The following GRK5 variants were observed in gnomAD, a reference collection of about 807,000 sequenced individuals.
GRK5 encodes the protein G protein-coupled receptor kinase 5.
GRK5 carries 40 observed loss-of-function variants against 78.4 expected under a neutral mutation model. The ratio of observed to expected loss-of-function variants is 0.51; its 90% CI spans 0.40 to 0.66. GRK5 has a LOEUF of 0.66. Among genes scored for constraint, GRK5 ranks in the 30% least tolerant of loss-of-function variants. The probability of loss-of-function intolerance (pLI) is 0.00; values close to 1 mark genes in which losing one functional copy is unlikely to be tolerated. For synonymous variants in GRK5, 289 were observed against 296.8 expected (o/e 0.97, Z 0.27); for missense variants, 598 against 759.9 (o/e 0.79, Z 2.50).
intron 13 of GRK5, among the ~76,000 whole-genome samples, chr10:119,448,504 T>G (rs958372613): frequency 2.6e-5 from 4 of 152,220 alleles, no homozygotes; most frequent in African/African-American, 9.6e-5. Flanking sequence ...TTCCCAGGTC[T>G]GGGGGTCCTG....
At chr10:119,265,554 A>G (rs1270700274) in intron 1 of GRK5, among the ~76,000 whole-genome samples, 2 of 152,164 alleles carry the variant, frequency 1.3e-5, no homozygotes, top group Admixed American at 6.5e-5. Flanking sequence ...GGTGGCCTGC[A>G]CTGAGGAACC....
At chr10:119,393,605 A>G (rs933372403) in intron 3 of GRK5, among the ~76,000 whole-genome samples, 2 of 152,228 alleles carry the variant, frequency 1.3e-5, no homozygotes. Flanking sequence ...ACGGTGCCGG[A>G]CCAACGGCGG....
At chr10:119,403,956 C>T (rs780072183) in intron 4 of GRK5, among the ~76,000 whole-genome samples, 2 of 152,142 alleles carry the variant, frequency 1.3e-5, no homozygotes, top group East Asian at 1.9e-4. Flanking sequence ...TTTGTTTCTA[C>T]ATTTTTGCTC....
chr10:119,325,190 A>G (rs759673097), intron 1 of GRK5, among the ~76,000 whole-genome samples: 5 of 152,224 alleles, frequency 3.3e-5, no homozygotes, highest in Non-Finnish European at 7.3e-5. Flanking sequence ...TTCTGTGCCT[A>G]CTTTTAAACA....
intron 1 of GRK5, among the ~76,000 whole-genome samples, chr10:119,292,112 C>A (rs1849984604): frequency 1.8e-5 from 1 of 57,074 alleles, no homozygotes; most frequent in Non-Finnish European, 3.8e-5. Flanking sequence ...TCCTTCTCCT[C>A]TTCCTCCCTC....
intron 1 of GRK5, among the ~76,000 whole-genome samples, chr10:119,285,808 G>T (rs1849839318): frequency 6.6e-6 from 1 of 152,144 alleles, no homozygotes; most frequent in Non-Finnish European, 1.5e-5. Context: ...TGAGTGCTGG[G>T]GCTGGGACCT....
At chr10:119,337,601 T>C (rs1850912776) in intron 2 of GRK5, among the ~76,000 whole-genome samples, 1 of 152,146 alleles carries the variant, frequency 6.6e-6, no homozygotes, top group South Asian at 2.1e-4. Flanking sequence ...AATGTCTGTC[T>C]CTAAGTTTCC....
chr10:119,338,561 T>C (rs1589752812), intron 2 of GRK5, among the ~76,000 whole-genome samples: 1 of 152,196 alleles, frequency 6.6e-6, no homozygotes, highest in East Asian at 1.9e-4. Context: ...GTGATGTACA[T>C]TTTTCCATTT....
intron 1 of GRK5, among the ~76,000 whole-genome samples, chr10:119,307,769 G>GT (rs11443309): frequency 0.72 from 108,696 of 151,688 alleles, 41,432 homozygotes; most frequent in East Asian, 0.84. Context: ...TGGTCTCCTG[G>GT]TGGCGAGCCC....
Position 119,209,850 on chromosome 10 carries a change from C to T in GRK5, c.52+1881C>T, listed in dbSNP as rs144296526. On this transcript the variant is annotated intron_variant, in intron 1 of 15. Transcript: ENST00000392870. The stretch of plus-strand genomic sequence containing the variant: ...TTTGCTGCTGTAGATATTTGTTTGC[C>T]TGATAGATGCTTTTTTTCTTCCCTG... 6.6e-3 allele frequency among the ~76,000 whole-genome samples: 1,001 copies of T among 152,210 alleles called. 11 individuals carry two copies. The highest frequency in any genetic ancestry group is 9.2e-3 in the Non-Finnish European group (626 of 68,014).
chr10:119,434,203 C>G (rs1294413373), intron 8 of GRK5, among the ~76,000 whole-genome samples: 1 of 152,162 alleles, frequency 6.6e-6, no homozygotes, highest in East Asian at 1.9e-4. Flanking sequence ...GGTGGGGACA[C>G]AGCCCAACCA....
rs1366825144 is a variant in GRK5 at position 119,238,618 on chromosome 10, G to A, written c.52+30649G>A. 2.0e-5 allele frequency among the ~76,000 whole-genome samples: 3 copies of A among 152,168 alleles called. No homozygotes were observed. The highest frequency in any genetic ancestry group is 4.8e-5 in the African/African-American group (2 of 41,442). Reference sequence around the variant, plus strand: ...CTTCTCTTAGACATGTAGGGTTCGCGCCGTTGACCTGAGCTTCAGTGCCAG... The same window carrying A: ...CTTCTCTTAGACATGTAGGGTTCGCACCGTTGACCTGAGCTTCAGTGCCAG... On this transcript the variant is annotated intron_variant, in intron 1 of 15. Transcript: ENST00000392870. This position sits in a 1 kb window ranked among gnomAD's most constrained non-coding sequence, Gnocchi z 4.7.
rs55942285 is a variant in GRK5, at chr10:119,366,376, A to C, written c.149-14439A>C. ...GCAAAGGGGGTGGCGGAGGAGAGAG[A>C]GAATTTACAGCTTAGTTGGGGAGGC... On this transcript the variant is annotated intron_variant, in intron 2 of 15. Transcript: ENST00000392870. 8.0e-3 allele frequency among the ~76,000 whole-genome samples: 1,220 copies of C among 152,054 alleles called. 15 individuals carry two copies. The highest frequency in any genetic ancestry group is 0.027 in the African/African-American group (1,109 of 41,372).
chr10:119,386,455 G>A (rs929966091), intron 3 of GRK5, among the ~76,000 whole-genome samples: 1 of 152,132 alleles, frequency 6.6e-6, no homozygotes, highest in African/African-American at 2.4e-5. Context: ...GTTTGAAAAG[G>A]GGGGAAAAAA....
chr10:119,394,462 C>T lies in GRK5; in HGVS notation c.262-2233C>T, dbSNP rs1406335885. ...GGTGTGTGTATCTGCTTAGTGGGCA[C>T]GTGTGTGGATGTGTGTGGGTGTGTG... On this transcript the variant is annotated intron_variant, in intron 3 of 15. Coordinates refer to ENST00000392870, the MANE Select transcript of GRK5 (RefSeq NM_005308.3). 5.5e-5 allele frequency among the ~76,000 whole-genome samples: 2 copies of T among 36,426 alleles called. 1 individual carries two copies. Among genetic ancestry groups the T allele is most frequent in the Non-Finnish European group, 1.0e-4 (2 of 19,298 alleles). The allele number at this position is 36,426 out of a possible 152,430, so 23.9% of individuals were successfully genotyped here. A position where few individuals can be genotyped will look rare whatever the true frequency, so the allele number is the denominator to read the frequency against.
At chr10:119,368,571 A>AG (rs1851490255) in intron 2 of GRK5, among the ~76,000 whole-genome samples, 1 of 152,222 alleles carries the variant, frequency 6.6e-6, no homozygotes, top group Non-Finnish European at 1.5e-5. Flanking sequence ...ATTTTGTAAA[A>AG]GGGGAAACCA....
At chr10:119,323,499 G>A (rs1850621431) in intron 1 of GRK5, among the ~76,000 whole-genome samples, 1 of 152,096 alleles carries the variant, frequency 6.6e-6, no homozygotes, top group African/African-American at 2.4e-5. Context: ...TCTTGAGAGG[G>A]TGGCCCTATC....
At chr10:119,278,303 C>T (rs1849701486) in intron 1 of GRK5, among the ~76,000 whole-genome samples, 1 of 151,940 alleles carries the variant, frequency 6.6e-6, no homozygotes, top group Non-Finnish European at 1.5e-5. Flanking sequence ...CAGGCCGCCC[C>T]TCTGCTTGGG....
At chr10:119,291,555 TTCCTCCTCCTCCTCTTCCTCC>T (rs1849956800) in intron 1 of GRK5, among the ~76,000 whole-genome samples, 1 of 114,606 alleles carries the variant, frequency 8.7e-6, no homozygotes, top group Non-Finnish European at 1.9e-5. Context: ...CCTCCTCCTC[TTCCTCCTCCTCCTCTTCCTCC>T]TCCTCCTCTT....
Sources: gnomAD v4.1 joint callset for allele counts (sites outside exome capture counted in the v4.1 genomes callset) on GRCh38, gnomAD v4.1.1 for gene constraint, Gnocchi (gnomAD v3.1) non-coding constraint, MANE v1.5 for transcripts, NCBI Gene and HGNC (gene_info 2026-07-23, HGNC 2026-07-21) for gene names.